The following TEX29 variants were observed in gnomAD, a reference collection of about 807,000 sequenced individuals.
The protein encoded by TEX29 is testis expressed 29, also known as testis-expressed protein 29.
A neutral mutation model predicts 18.2 loss-of-function variants in TEX29; 26 were observed. That is an observed-to-expected ratio of 1.43 (90% CI 1.04 to 1.98). The LOEUF is 1.98. Among genes scored for constraint, TEX29 ranks in the 30% most tolerant of loss-of-function variants. TEX29 has a pLI of 0.00. For missense variants in TEX29, 177 were observed against 194.2 expected, an observed-to-expected ratio of 0.91 and a Z score of 0.53; for synonymous variants, 83 against 78.5, an observed-to-expected ratio of 1.06 and a Z score of -0.31.
chr13:111,327,470 G>A (rs1484202805), intron 2 of TEX29, among the ~76,000 whole-genome samples: 1 of 152,144 alleles, frequency 6.6e-6, no homozygotes, highest in African/African-American at 2.4e-5. Context: ...TGGCTTTGTG[G>A]GACTGCAGTC....
At chr13:111,339,168 T>G (rs1173466984) in intron 3 of TEX29, 2 of 438,438 alleles carry the variant, frequency 4.6e-6, no homozygotes, top group Non-Finnish European at 9.2e-6. Context: ...TGGGGAGGCT[T>G]GACTTTTGCT....
intron 3 of TEX29, 25 bp downstream of exon 3, chr13:111,328,318 G>C (rs754317206): frequency 6.4e-7 from 1 of 1,564,114 alleles, no homozygotes; most frequent in Non-Finnish European, 8.8e-7. Flanking sequence ...CGGCCACCCC[G>C]TGGCGGAAGC....
At chr13:111,325,742 C>T (rs2093671815) in intron 2 of TEX29, among the ~76,000 whole-genome samples, 2 of 152,148 alleles carry the variant, frequency 1.3e-5, no homozygotes, top group Admixed American at 1.3e-4. Flanking sequence ...GGGAGGACTG[C>T]CGGGATTCGA....
intron 3 of TEX29, among the ~76,000 whole-genome samples, chr13:111,337,347 T>G (rs1178001752): frequency 6.6e-6 from 1 of 152,176 alleles, no homozygotes; most frequent in East Asian, 1.9e-4. Flanking sequence ...GCGTCCCAGA[T>G]GATTCACTTT....
chr13:111,319,482 G>A (rs2093660049), upstream of TEX29, among the ~76,000 whole-genome samples: 1 of 152,170 alleles, frequency 6.6e-6, no homozygotes. Context: ...GCGTGTATGT[G>A]TATGCTTCCT....
rs761523652 is a variant in TEX29 at position 111,333,799 on chromosome 13, C to A, written c.169+5506C>A. 2.6e-5 allele frequency among the ~76,000 whole-genome samples: 4 copies of A among 152,186 alleles called. No individual in the cohort carries two copies. The East Asian group carries it at 5.8e-4, about 22-fold the overall frequency. On this transcript the variant is annotated intron_variant, in intron 3 of 5. Coordinates refer to ENST00000283547, the MANE Select transcript of TEX29 (RefSeq NM_152324.3). ...GTTGTGGGAAGGGAACTGCCAAACA[C>A]TTTTAAACCATCGGATCTTGTGAGA... is the stretch of plus-strand genomic sequence containing the variant.
chr13:111,342,720 A>T (rs1297104357), intron 4 of TEX29, 36 bp from the exon 5 acceptor site: 3 of 1,598,232 alleles, frequency 1.9e-6, no homozygotes, highest in South Asian at 1.1e-5. Flanking sequence ...TCCATCTGTA[A>T]CTTCCCTGAC....
chr13:111,334,643 T>A (rs2093687116), intron 3 of TEX29, among the ~76,000 whole-genome samples: 1 of 152,266 alleles, frequency 6.6e-6, no homozygotes. Flanking sequence ...CAGATTTTCA[T>A]GCTAAGCTTG....
chr13:111,336,467 G>A (rs910684860), intron 3 of TEX29, among the ~76,000 whole-genome samples: 1 of 152,186 alleles, frequency 6.6e-6, no homozygotes, highest in Non-Finnish European at 1.5e-5. Flanking sequence ...TGCACATTGT[G>A]TTATGGCATA....
intron 4 of TEX29, 91 bp downstream of exon 4, chr13:111,340,023 C>T: frequency 8.1e-7 from 1 of 1,232,972 alleles, no homozygotes; most frequent in Non-Finnish European, 1.2e-6. Context: ...CTCCTTCGGG[C>T]TTGGTGCTGC....
intron 3 of TEX29, among the ~76,000 whole-genome samples, chr13:111,338,350 G>A (rs1306066745): frequency 6.6e-6 from 1 of 152,118 alleles, no homozygotes; most frequent in Admixed American, 6.5e-5. Context: ...GTGACAATAG[G>A]GGCAGAGACT....
At position 111,340,024 on chromosome 13, in the gene TEX29, T is replaced by C. The variant is rs2093695409; in HGVS notation, c.239+92T>C. ...CCTGCCTGCCTGGGCTCCTTCGGGC[T>C]TGGTGCTGCTGGGGTGACTGAGAAC... On this transcript the variant is annotated intron_variant, in intron 4 of 5. Coordinates refer to ENST00000283547, the MANE Select transcript of TEX29 (RefSeq NM_152324.3). 2.4e-6 allele frequency: 3 copies of C among 1,245,606 alleles called. No individual in the cohort carries two copies. The Admixed American group carries it at 5.1e-5, about 21-fold the overall frequency. 77.2% of individuals were successfully genotyped at this position (1,245,606 alleles called of 1,614,324 possible).
intron 2 of TEX29, among the ~76,000 whole-genome samples, chr13:111,327,683 C>A (rs751126589): frequency 3.1e-4 from 47 of 152,324 alleles, no homozygotes; most frequent in Middle Eastern, 3.4e-3. Context: ...CCTCCCACGG[C>A]GCGCCGCACA....
At chr13:111,329,321 A>C (rs1430410805) in intron 3 of TEX29, among the ~76,000 whole-genome samples, 1 of 151,892 alleles carries the variant, frequency 6.6e-6, no homozygotes, top group African/African-American at 2.4e-5. Flanking sequence ...ATGAGTTCCA[A>C]ACCCTCCCTG....
Position 111,328,357 on chromosome 13 carries a change from T to C in TEX29, c.169+64T>C, listed in dbSNP as rs1490239783. 3 of 1,090,668 alleles carry C rather than the reference T, an allele frequency of 2.8e-6. No individual in the cohort carries two copies. In the African/African-American group the frequency reaches 4.6e-5, roughly 17 times the overall value. 67.6% of individuals were successfully genotyped at this position (1,090,668 alleles called of 1,614,324 possible). A position where few individuals can be genotyped will look rare whatever the true frequency, so the allele number is the denominator to read the frequency against. On this transcript the variant is annotated intron_variant, in intron 3 of 5. Transcript: ENST00000283547. ...GGTAGCTGGTGACCATGCCGACCAC[T>C]GCCCTGCCTGTCTCCCTTCCTCGGG...
chr13:111,338,485 G>T (rs1161855540), intron 3 of TEX29, among the ~76,000 whole-genome samples: 1 of 152,132 alleles, frequency 6.6e-6, no homozygotes, highest in African/African-American at 2.4e-5. Flanking sequence ...AATTTCTATT[G>T]TTTTAAGCCC....
upstream of TEX29, among the ~76,000 whole-genome samples, chr13:111,317,271 C>T (rs76765519): frequency 1.5e-4 from 23 of 152,200 alleles, no homozygotes; most frequent in South Asian, 2.1e-3. Context: ...ACTCTGAGGC[C>T]GTAGGGGTGA....
At position 111,328,292 on chromosome 13, in the gene TEX29, C is replaced by T. The variant is rs1212063508; in HGVS notation, c.168C>T (p.Pro56=). Residue 56 remains proline, a splice_region_variant and synonymous_variant, in exon 3 of 6, where the codon CCC becomes CCT. Coordinates refer to ENST00000283547, the MANE Select transcript of TEX29 (RefSeq NM_152324.3). ...GCGTCTGCTACAAGAAAGCGGTTCC[C>T]AGTGAGTAGACGCCCCGGCCACCCC... is the stretch of plus-strand genomic sequence containing the variant. ...YEGVCYKKAV[P]IYIHVFSALI... The T allele has an allele frequency of 6.2e-7, 1 of 1,612,016 alleles. No homozygotes were observed. Among genetic ancestry groups the T allele is most frequent in the Non-Finnish European group, 8.5e-7 (1 of 1,178,940 alleles).
intron 3 of TEX29, among the ~76,000 whole-genome samples, chr13:111,332,785 T>G (rs998417261): frequency 2.6e-5 from 4 of 152,176 alleles, no homozygotes; most frequent in Admixed American, 2.6e-4. Flanking sequence ...GGTGTTGGAT[T>G]TTTTTTTCAA....
Sources: gnomAD v4.1 joint callset for allele counts (sites outside exome capture counted in the v4.1 genomes callset) on GRCh38, gnomAD v4.1.1 for gene constraint, MANE v1.5 for transcripts, NCBI Gene and HGNC (gene_info 2026-07-23, HGNC 2026-07-21) for gene names.